Variants in RCBTB1 observed in about 807,000 individuals in gnomAD.
RCBTB1 encodes the protein RCC1 and BTB domain containing protein 1.
In RCBTB1, 46 loss-of-function variants were observed where a neutral mutation model predicts 62.4. That is an observed-to-expected ratio of 0.74 (90% confidence interval 0.58 to 0.94). The LOEUF is 0.94. Ranked by LOEUF, RCBTB1 falls within the 40% of genes least tolerant of loss-of-function variation. The probability of loss-of-function intolerance (pLI) is 0.00; values close to 1 mark genes in which losing one functional copy is unlikely to be tolerated. For missense variants in RCBTB1, 565 were observed against 654.9 expected, an observed-to-expected ratio of 0.86 and a Z score of 1.50; for synonymous variants, 222 against 245.8, an observed-to-expected ratio of 0.90 and a Z score of 0.91.
chr13:49,552,980 G>A (rs188520913), intron 6 of RCBTB1, among the ~76,000 whole-genome samples: 9 of 152,156 alleles, frequency 5.9e-5, no homozygotes, highest in Admixed American at 2.0e-4. Context: ...TCAGGAGATC[G>A]AGACCATCCT....
At chr13:49,584,068 G>A (rs1964257807) in intron 1 of RCBTB1, among the ~76,000 whole-genome samples, 1 of 152,150 alleles carries the variant, frequency 6.6e-6, no homozygotes, top group Non-Finnish European at 1.5e-5. Context: ...GAAAAGGAGG[G>A]TACTGTTTCA....
chr13:49,544,962 C>A, intron 9 of RCBTB1, 99 bp from the exon 10 acceptor site: 9 of 937,052 alleles, frequency 9.6e-6, no homozygotes, highest in Middle Eastern at 2.5e-4. Flanking sequence ...TGGATAATTC[C>A]ACTTGTTTTT....
At position 49,567,340 on chromosome 13, in the gene RCBTB1, T is replaced by A. The variant is rs1345142880; in HGVS notation, c.-41-20A>T. 46 of 1,564,646 alleles carry A rather than the reference T, an allele frequency of 2.9e-5. No homozygotes were observed. Among genetic ancestry groups the A allele is most frequent in the Non-Finnish European group, 3.6e-5 (42 of 1,152,212 alleles). ...ACATCTCTGCTGGAACAGAAAGGAT[T>A]CCAGAAAAAAATTAAATAGTCACTG... On this transcript the variant is annotated intron_variant, in intron 2 of 12. Transcript: ENST00000378302.
intron 2 of RCBTB1, among the ~76,000 whole-genome samples, chr13:49,568,407 C>T (rs115695806): frequency 0.012 from 1,798 of 152,142 alleles, 36 homozygotes; most frequent in African/African-American, 0.04. Context: ...AAAATAAATT[C>T]CTAAAAATGA....
chr13:49,544,553 A>G (rs908863343), intron 10 of RCBTB1, among the ~76,000 whole-genome samples, 184 bp downstream of exon 10: 4 of 152,204 alleles, frequency 2.6e-5, no homozygotes, highest in African/African-American at 9.7e-5. Context: ...CACTTTTTCT[A>G]AAACGCTCCA....
chr13:49,540,779 A>G, intron 12 of RCBTB1, 97 bp downstream of exon 12: 1 of 1,309,568 alleles, frequency 7.6e-7, no homozygotes, highest in Non-Finnish European at 1.1e-6. Flanking sequence ...ACAGAAGTGG[A>G]GTGACTCATC....
At chr13:49,571,441 T>C (rs746234843) in intron 2 of RCBTB1, among the ~76,000 whole-genome samples, 20 of 152,248 alleles carry the variant, frequency 1.3e-4, no homozygotes, top group Non-Finnish European at 2.9e-4. Flanking sequence ...ATGTCATTTA[T>C]TCCTGCACTT....
In RCBTB1 at chr13:49,567,389, T is replaced by C. The variant is rs1963099327; in HGVS notation, c.-41-69A>G. The stretch of plus-strand genomic sequence containing the variant: ...TGAGCTAACTTTCAAAAAAAAGACC[T>C]GTTAATAAATACTAACAAAAGCTGA... On this transcript the variant is annotated intron_variant, in intron 2 of 12. Coordinates refer to ENST00000378302, the MANE Select transcript of RCBTB1 (RefSeq NM_018191.4). The C allele has an allele frequency of 3.5e-6, 4 of 1,154,908 alleles. No individual in the cohort carries two copies. In the African/African-American group the frequency reaches 4.6e-5, roughly 13 times the overall value. 71.5% of individuals were successfully genotyped at this position (1,154,908 alleles called of 1,614,324 possible). A position where few individuals can be genotyped will look rare whatever the true frequency, so the allele number is the denominator to read the frequency against.
rs1407939994 is a variant in RCBTB1, at chr13:49,566,390, G to A, written c.277+228C>T. On this transcript the variant is annotated intron_variant, in intron 4 of 12. Coordinates refer to ENST00000378302, the MANE Select transcript of RCBTB1 (RefSeq NM_018191.4). ...TATATCTAATCATCCACAGCTTTAT[G>A]GAGGCAGTCGAAAACCTCAGAAGTT... 2.0e-5 allele frequency among the ~76,000 whole-genome samples: 3 copies of A among 152,308 alleles called. No homozygotes were observed. The East Asian group carries it at 5.8e-4, about 29-fold the overall frequency.
intron 2 of RCBTB1, among the ~76,000 whole-genome samples, chr13:49,568,486 A>G (rs1375223536): frequency 2.6e-5 from 4 of 152,224 alleles, no homozygotes; most frequent in Non-Finnish European, 5.9e-5. Flanking sequence ...ACAGTCTTCT[A>G]TTGAAGTAGT....
intron 2 of RCBTB1, among the ~76,000 whole-genome samples, chr13:49,572,090 G>A (rs915953361): frequency 7.9e-5 from 12 of 152,152 alleles, no homozygotes; most frequent in Non-Finnish European, 1.6e-4. Context: ...ACTTTGGGAG[G>A]TAGAGGCAGG....
rs1963091861 is a variant in RCBTB1, at chr13:49,567,306, A to C, written c.-27T>G. On this transcript the variant is annotated 5_prime_UTR_variant, in exon 3 of 13. In the 5' UTR this introduces an upstream ATG that the reference lacks. Transcript: ENST00000378302. Reference sequence around the variant, plus strand: ...ACTCTGGCTTCAAGCAATTCCTATAAATAAGCCGACATCTCTGCTGGAACA... The same window carrying C: ...ACTCTGGCTTCAAGCAATTCCTATACATAAGCCGACATCTCTGCTGGAACA... 1 of 1,611,458 alleles carries C rather than the reference A, an allele frequency of 6.2e-7. No homozygotes were observed. The highest frequency in any genetic ancestry group is 8.5e-7 in the Non-Finnish European group (1 of 1,178,264).
chr13:49,562,778 T>C (rs1962550595), intron 4 of RCBTB1, among the ~76,000 whole-genome samples: 2 of 116 alleles, frequency 0.017, no homozygotes, highest in Non-Finnish European at 0.033. Context: ...ATCCCCGGCT[T>C]TTTTTTTTTT....
chr13:49,551,520 G>GAGA (rs755099588), intron 7 of RCBTB1, 52 bp from the exon 8 acceptor site: 114 of 1,603,462 alleles, frequency 7.1e-5, no homozygotes, highest in Non-Finnish European at 2.1e-5. Flanking sequence ...GAAGGGCAGG[G>GAGA]AGAACATCTA....
chr13:49,539,624 C>A (rs1288919218), intron 12 of RCBTB1: 1 of 152,008 alleles, frequency 6.6e-6, no homozygotes, highest in Non-Finnish European at 1.5e-5. Context: ...GGCACTAACC[C>A]AATTTAAAAT....
At chr13:49,574,751 G>C (rs954844836) in intron 2 of RCBTB1, among the ~76,000 whole-genome samples, 1 of 149,610 alleles carries the variant, frequency 6.7e-6, no homozygotes, top group Non-Finnish European at 1.5e-5. Flanking sequence ...ATACCCCAAA[G>C]AACTGAAAGC....
At chr13:49,536,844 GAAGACAAAA>G (rs1288080495) in intron 12 of RCBTB1, among the ~76,000 whole-genome samples, 3 of 152,180 alleles carry the variant, frequency 2.0e-5, no homozygotes, top group Non-Finnish European at 4.4e-5. Context: ...CATTAGCAAA[GAAGACAAAA>G]ATAAAAACTG....
chr13:49,557,725 G>C (rs996061191), intron 5 of RCBTB1, among the ~76,000 whole-genome samples: 5 of 151,842 alleles, frequency 3.3e-5, no homozygotes, highest in African/African-American at 1.2e-4. Context: ...TTCAAGACCA[G>C]CCTGGGCAAC....
In RCBTB1 at chr13:49,576,337, C is replaced by T. The variant is rs139554128; in HGVS notation, c.-42+4168G>A. On this transcript the variant is annotated intron_variant, in intron 2 of 12. Coordinates refer to ENST00000378302, the MANE Select transcript of RCBTB1 (RefSeq NM_018191.4). ...AAATGGTAAATTTTACACTATATAC[C>T]TTTTACCCCAATTTTTTAAAATCAA... 3.3e-5 allele frequency among the ~76,000 whole-genome samples: 5 copies of T among 151,758 alleles called. No individual in the cohort carries two copies. The South Asian group carries it at 8.3e-4, about 25-fold the overall frequency.
Sources: allele counts gnomAD v4.1 joint callset (sites outside exome capture counted in the v4.1 genomes callset), GRCh38; gene constraint gnomAD v4.1.1; transcripts MANE v1.5; gene names NCBI Gene and HGNC (gene_info 2026-07-23, HGNC 2026-07-21).